The following ZMYM1 variants were observed in gnomAD, a reference collection of about 807,000 sequenced individuals.
The protein encoded by ZMYM1 is zinc finger MYM-type protein 1.
Under a neutral mutation model 60.0 loss-of-function variants are expected in ZMYM1, and 39 were observed. The ratio of observed to expected loss-of-function variants is 0.65; its 90% CI spans 0.50 to 0.85. ZMYM1 has a LOEUF of 0.85. Among genes scored for constraint, ZMYM1 ranks in the 40% least tolerant of loss-of-function variants. ZMYM1 has a pLI of 0.00. For missense variants in ZMYM1, 1,171 were observed against 1,309.5 expected (o/e 0.89, Z 1.63); for synonymous variants, 413 against 454.0 (o/e 0.91, Z 1.15).
intron 1 of ZMYM1, among the ~76,000 whole-genome samples, chr1:35,064,063 C>T (rs867210836): frequency 3.3e-5 from 5 of 152,118 alleles, no homozygotes; most frequent in Non-Finnish European, 4.4e-5. Flanking sequence ...CAGTGGCTCA[C>T]GCCTGTAATC....
At chr1:35,073,365 G>GGAAGGAAGGAAGGAAGGAAA (rs1557626645) in intron 1 of ZMYM1, among the ~76,000 whole-genome samples, 19 of 145,908 alleles carry the variant, frequency 1.3e-4, no homozygotes, top group African/African-American at 4.1e-4. Flanking sequence ...AAGGAAGGAA[G>GGAAGGAAGGAAGGAAGGAAA]GAAGGAAGGA....
upstream of ZMYM1, among the ~76,000 whole-genome samples, chr1:35,076,552 T>G (rs1569852975): frequency 6.7e-6 from 1 of 148,394 alleles, no homozygotes; most frequent in South Asian, 2.1e-4. Flanking sequence ...ACCAAGGAGG[T>G]GAAGGTTGCG....
At chr1:35,084,334 G>T (rs1054416149) in intron 1 of ZMYM1, among the ~76,000 whole-genome samples, 1 of 151,882 alleles carries the variant, frequency 6.6e-6, no homozygotes, top group African/African-American at 2.4e-5. Flanking sequence ...AGTCAGTTTT[G>T]GGATTTTAAA....
chr1:35,104,588 AAC>A lies in ZMYM1; in HGVS notation c.628_629del (p.His210Ter). 2 of 1,614,156 alleles carry A rather than the reference AAC, an allele frequency of 1.2e-6. No individual in the cohort carries two copies. The highest frequency in any genetic ancestry group is 1.7e-6 in the Non-Finnish European group (2 of 1,180,026). On this transcript the variant is annotated frameshift_variant, in exon 6 of 10. Coordinates refer to ENST00000359858, the MANE Select transcript of ZMYM1 (RefSeq NM_024772.5). LOFTEE classifies it high-confidence loss of function. ...TATGAAGTAAAATACCAAAATGTGAAACATAATCTTTGCAGTAATGCCTGCCT... is the reference window on the plus strand; with the variant it reads ...TATGAAGTAAAATACCAAAATGTGAAATAATCTTTGCAGTAATGCCTGCCT...
chr1:35,117,232 A>T (rs1008695873), downstream of ZMYM1, among the ~76,000 whole-genome samples: 2 of 151,640 alleles, frequency 1.3e-5, no homozygotes, highest in Admixed American at 6.6e-5. Flanking sequence ...CTAGGAGAAC[A>T]TCTATTTCAT....
intron 3 of ZMYM1, among the ~76,000 whole-genome samples, chr1:35,097,045 G>A (rs895950789): frequency 6.6e-6 from 1 of 151,880 alleles, no homozygotes; most frequent in Admixed American, 6.6e-5. Flanking sequence ...AGCTGGTCTT[G>A]AACTCTGACC....
intron 1 of ZMYM1, among the ~76,000 whole-genome samples, chr1:35,073,346 G>GAAGGAAGGAAGGAAGA (rs1642105970): frequency 7.1e-6 from 1 of 141,618 alleles, no homozygotes; most frequent in African/African-American, 2.6e-5. Context: ...AGAAAGGAAG[G>GAAGGAAGGAAGGAAGA]AAGGAAGGAA....
chr1:35,087,215 C>G (rs61777989), intron 1 of ZMYM1, among the ~76,000 whole-genome samples: 1 of 151,038 alleles, frequency 6.6e-6, no homozygotes. Context: ...TAGTCTCGAA[C>G]TCCTGACTTC....
chr1:35,111,955 T>C (rs1162760788), intron 8 of ZMYM1, 43 bp downstream of exon 8: 1 of 1,561,274 alleles, frequency 6.4e-7, no homozygotes, highest in East Asian at 2.3e-5. Context: ...TATTGTTTTG[T>C]CATACTTGAT....
downstream of ZMYM1, among the ~76,000 whole-genome samples, chr1:35,118,225 G>A (rs1638527637): frequency 7.8e-6 from 1 of 128,852 alleles, no homozygotes; most frequent in South Asian, 2.6e-4. Context: ...TGGGCGACAA[G>A]AGTGAAACTC....
At chr1:35,075,137 A>G (rs894731656), upstream of ZMYM1, among the ~76,000 whole-genome samples, 8 of 152,184 alleles carry the variant, frequency 5.3e-5, no homozygotes, top group Non-Finnish European at 8.8e-5. Flanking sequence ...CTTGTCATAC[A>G]TAATGACCTT....
chr1:35,074,057 G>A (rs936971099), intron 1 of ZMYM1, among the ~76,000 whole-genome samples: 5 of 152,142 alleles, frequency 3.3e-5, no homozygotes. Flanking sequence ...CAAAGTGCTG[G>A]AATTACAGGT....
Position 35,104,482 on chromosome 1 carries a change from T to TA in ZMYM1, c.594+14dup, listed in dbSNP as rs1312371316. On this transcript the variant is annotated intron_variant, in intron 5 of 9. Transcript: ENST00000359858. ...GAAGACTGCTATTGTAAGTTCCAATTATAACCTTTACAGGGATTCTGATGA... is the reference window on the plus strand; with the variant it reads ...GAAGACTGCTATTGTAAGTTCCAATTAATAACCTTTACAGGGATTCTGATGA... 3.7e-6 allele frequency: 6 copies of TA among 1,609,588 alleles called. No individual in the cohort carries two copies. The East Asian group carries it at 1.3e-4, about 36-fold the overall frequency.
chr1:35,112,581 A>AATAT (rs1553146266), intron 9 of ZMYM1, among the ~76,000 whole-genome samples: 1 of 34,720 alleles, frequency 2.9e-5, no homozygotes, highest in Non-Finnish European at 8.3e-5. Flanking sequence ...AATATATTAT[A>AATAT]ATGTATATTT....
chr1:35,095,380 G>A (rs538432904), intron 2 of ZMYM1, among the ~76,000 whole-genome samples: 8 of 151,768 alleles, frequency 5.3e-5, no homozygotes, highest in Admixed American at 3.3e-4. Flanking sequence ...TGTAGTCTCA[G>A]CTACTTGGGA....
downstream of ZMYM1, among the ~76,000 whole-genome samples, chr1:35,117,897 G>T (rs979926580): frequency 3.3e-5 from 5 of 152,018 alleles, no homozygotes; most frequent in African/African-American, 4.8e-5. Flanking sequence ...CTGAGATCGT[G>T]CAATTGCACT....
In ZMYM1 at chr1:35,101,411, T is replaced by G. The variant is rs746375371; in HGVS notation, c.420-2884T>G. 3.7e-4 allele frequency among the ~76,000 whole-genome samples: 55 copies of G among 149,726 alleles called. 1 individual carries two copies. The highest frequency in any genetic ancestry group is 2.8e-4 in the Non-Finnish European group (19 of 67,612). The stretch of plus-strand genomic sequence containing the variant: ...CCACCGTGCCTGGCCAACATTCATT[T>G]TTCAATTTTTTATAAAGCTTTAGTA... On this transcript the variant is annotated intron_variant, in intron 4 of 9. Transcript: ENST00000359858.
At chr1:35,085,525 C>T (rs1642608792) in intron 1 of ZMYM1, among the ~76,000 whole-genome samples, 1 of 152,294 alleles carries the variant, frequency 6.6e-6, no homozygotes, top group Non-Finnish European at 1.5e-5. Context: ...GTCTCCCTTT[C>T]CCTCTGGCCC....
chr1:35,092,438 G>A (rs1300135609), intron 1 of ZMYM1, among the ~76,000 whole-genome samples: 3 of 148,424 alleles, frequency 2.0e-5, no homozygotes, highest in South Asian at 2.1e-4. Flanking sequence ...ACGGGGTTTC[G>A]CCTTGTTTGC....
Sources: allele counts gnomAD v4.1 joint callset (sites outside exome capture counted in the v4.1 genomes callset), GRCh38; gene constraint gnomAD v4.1.1; transcripts MANE v1.5; gene names NCBI Gene and HGNC (gene_info 2026-07-23, HGNC 2026-07-21).